The following PKD1L3 variants were observed in gnomAD, a reference collection of about 807,000 sequenced individuals.
PKD1L3 encodes polycystin-1-like protein 3.
In PKD1L3, 239 loss-of-function variants were observed where a neutral mutation model predicts 184.1. That is an observed-to-expected ratio of 1.30 (90% CI 1.17 to 1.45). The LOEUF (loss-of-function observed/expected upper bound fraction) is 1.45. Ranked by LOEUF, PKD1L3 falls within the 40% of genes most tolerant of loss-of-function variation. PKD1L3 has a pLI of 0.00. For missense variants in PKD1L3, 2,660 were observed against 2,067.2 expected, an observed-to-expected ratio of 1.29 and a Z score of -5.56; for synonymous variants, 996 against 778.8, an observed-to-expected ratio of 1.28 and a Z score of -4.64.
At chr16:71,950,371 G>A (rs1444707834) in intron 19 of PKD1L3, 61 bp from the exon 20 acceptor site, 2 of 1,380,488 alleles carry the variant, frequency 1.4e-6, no homozygotes, top group East Asian at 5.0e-5. Context: ...GCAATTAGTG[G>A]TAGAGATTAA....
In PKD1L3 at chr16:72,000,224, G is replaced by A. The variant is rs1409474797; in HGVS notation, c.-246C>T. On this transcript the variant is annotated 5_prime_UTR_variant, in exon 1 of 30. Coordinates refer to ENST00000620267, the MANE Select transcript of PKD1L3 (RefSeq NM_181536.2). The stretch of plus-strand genomic sequence containing the variant: ...GCCCCACCATCTGTGTCTACCTACC[G>A]AATATGCCTTTAGCAAATAGAGATC... Among the ~76,000 whole-genome samples, 1 of 152,148 alleles carries A rather than the reference G, an allele frequency of 6.6e-6. No individual in the cohort carries two copies. Among genetic ancestry groups the A allele is most frequent in the African/African-American group, 2.4e-5 (1 of 41,430 alleles).
chr16:71,944,077 C>A lies in PKD1L3; in HGVS notation c.3812G>T (p.Arg1271Ile). 2 of 1,552,066 alleles carry A rather than the reference C, an allele frequency of 1.3e-6. No individual in the cohort carries two copies. The highest frequency in any genetic ancestry group is 2.4e-5 in the South Asian group (2 of 84,054). ...GAAGAGTTTCTTCTTTTTCAAGGTT[C>A]TTTCTGGGTGCTTAGTTGGACTATT... The part of the protein sequence containing the change: ...AINSPTKHPE[R>I]TLKKKKLFKL... The change falls in exon 23 of 30, where the codon AGA becomes ATA. Residue 1271 changes from arginine (R) to isoleucine (I), a missense_variant. By Grantham distance (97) the Arg-to-Ile change is moderately conservative. Transcript: ENST00000620267.
At chr16:71,964,434 G>T (rs1172428571) in intron 15 of PKD1L3, among the ~76,000 whole-genome samples, 1 of 139,592 alleles carries the variant, frequency 7.2e-6, no homozygotes, top group Non-Finnish European at 1.5e-5. Context: ...CACCTCCCAG[G>T]TTCAAGCAAT....
intron 1 of PKD1L3, among the ~76,000 whole-genome samples, chr16:71,998,643 G>A (rs1020502870): frequency 2.0e-5 from 3 of 152,024 alleles, no homozygotes; most frequent in Admixed American, 1.3e-4. Context: ...TAGAGATGGG[G>A]TTTCACCATG....
At chr16:71,997,963 T>C (rs1477121829) in intron 2 of PKD1L3, among the ~76,000 whole-genome samples, 2 of 152,156 alleles carry the variant, frequency 1.3e-5, no homozygotes, top group Admixed American at 6.6e-5. Context: ...GAAGCCCAAA[T>C]GCTGACTGAA....
intron 11 of PKD1L3, among the ~76,000 whole-genome samples, chr16:71,974,711 A>AC (rs771906449): frequency 2.6e-5 from 4 of 152,088 alleles, no homozygotes; most frequent in Non-Finnish European, 5.9e-5. Context: ...AACTGAGTAC[A>AC]CCTTTGGAAT....
At chr16:71,945,323 T>C (rs867759037) in intron 22 of PKD1L3, among the ~76,000 whole-genome samples, 34 of 63,868 alleles carry the variant, frequency 5.3e-4, no homozygotes, top group African/African-American at 1.2e-3. Flanking sequence ...CACACACACA[T>C]ATATACACAC....
At chr16:71,973,993 T>C (rs1018469238) in intron 11 of PKD1L3, among the ~76,000 whole-genome samples, 7 of 94,554 alleles carry the variant, frequency 7.4e-5, no homozygotes, top group African/African-American at 3.1e-4. Context: ...CAGAGTGAGA[T>C]TTTGTCTCAA....
At chr16:71,945,301 T>G (rs1391570197) in intron 22 of PKD1L3, among the ~76,000 whole-genome samples, 1 of 55,694 alleles carries the variant, frequency 1.8e-5, no homozygotes, top group African/African-American at 7.5e-5. Flanking sequence ...TATATATATA[T>G]ATATACACAC....
chr16:71,991,383 C>T (rs1162123807), intron 3 of PKD1L3: 1 of 173,824 alleles, frequency 5.8e-6, no homozygotes, highest in East Asian at 1.7e-4. Context: ...CTAAGGATAA[C>T]CACTTGAAGC....
intron 20 of PKD1L3, 36 bp downstream of exon 20, chr16:71,950,082 T>C: frequency 1.3e-6 from 2 of 1,548,858 alleles, no homozygotes; most frequent in South Asian, 1.2e-5. Flanking sequence ...TGAGGAAGAT[T>C]ACAGGGGATA....
intron 11 of PKD1L3, among the ~76,000 whole-genome samples, chr16:71,975,593 G>C (rs1208606072): frequency 6.6e-6 from 1 of 151,974 alleles, no homozygotes; most frequent in Admixed American, 6.6e-5. Flanking sequence ...TTCTGCTGTG[G>C]GTCTCAACAT....
chr16:71,937,626 A>T (rs551640152), intron 24 of PKD1L3, among the ~76,000 whole-genome samples: 1 of 152,170 alleles, frequency 6.6e-6, no homozygotes, highest in Non-Finnish European at 1.5e-5. Context: ...TGGTTTTACA[A>T]AAGTCAGTAG....
At chr16:71,973,188 C>T (rs1567530878) in intron 12 of PKD1L3, 136 bp downstream of exon 12, 1 of 1,097,556 alleles carries the variant, frequency 9.1e-7, no homozygotes, top group Non-Finnish European at 1.3e-6. Flanking sequence ...CTCCTCCCTC[C>T]TTTTGCCCAG....
chr16:71,977,227 G>A lies in PKD1L3; in HGVS notation c.1759+9C>T, dbSNP rs1163089376. The A allele has an allele frequency of 6.7e-7, 1 of 1,493,350 alleles. No individual in the cohort carries two copies. Among genetic ancestry groups the A allele is most frequent in the East Asian group, 2.5e-5 (1 of 40,606 alleles). The allele number at this position is 1,493,350 out of a possible 1,614,324, so 92.5% of individuals were successfully genotyped here. A position where few individuals can be genotyped will look rare whatever the true frequency, so the allele number is the denominator to read the frequency against. On this transcript the variant is annotated intron_variant, in intron 11 of 29. Coordinates refer to ENST00000620267, the MANE Select transcript of PKD1L3 (RefSeq NM_181536.2). The stretch of plus-strand genomic sequence containing the variant: ...CAAAGTAAGTTTCTGACAGCTGATT[G>A]GGTTTTACCTTTTTGCCACACCTTA...
intron 11 of PKD1L3, 77 bp downstream of exon 11, chr16:71,977,159 A>G (rs2039957931): frequency 1.8e-6 from 2 of 1,135,626 alleles, no homozygotes; most frequent in Admixed American, 2.0e-5. Flanking sequence ...GCTGCAGTCA[A>G]CAATGATGGT....
chr16:71,966,601 G>C (rs1167570495), intron 15 of PKD1L3, among the ~76,000 whole-genome samples: 1 of 151,470 alleles, frequency 6.6e-6, no homozygotes, highest in East Asian at 1.9e-4. Context: ...GATTTTTTTT[G>C]AAATTTTTTT....
intron 3 of PKD1L3, among the ~76,000 whole-genome samples, chr16:71,990,717 G>C (rs530760404): frequency 1.3e-4 from 20 of 151,938 alleles, no homozygotes; most frequent in Admixed American, 5.9e-4. Flanking sequence ...CTGGGCAACA[G>C]AGCTAGATTC....
chr16:71,951,650 T>C lies in PKD1L3; in HGVS notation c.3104A>G (p.Lys1035Arg). The change falls in exon 19 of 30, where the codon AAG (lysine) becomes AGG (arginine). Residue 1035 changes from lysine to arginine, a missense_variant. Coordinates refer to ENST00000620267, the MANE Select transcript of PKD1L3 (RefSeq NM_181536.2). ...QPPWSSWDIT[K>R]LVKLLSSLVS... ...GAGGCTGGATAAAAGTTTCACCAGCTTAGTAATGTCCCAAGAACTCCATGG... is the reference window on the plus strand; with the variant it reads ...GAGGCTGGATAAAAGTTTCACCAGCCTAGTAATGTCCCAAGAACTCCATGG... 6.4e-7 allele frequency: 1 copy of C among 1,551,748 alleles called. No homozygotes were observed. The highest frequency in any genetic ancestry group is 2.4e-5 in the East Asian group (1 of 40,924).
Sources: gnomAD v4.1 joint callset for allele counts (sites outside exome capture counted in the v4.1 genomes callset) on GRCh38, gnomAD v4.1.1 for gene constraint, MANE v1.5 for transcripts, NCBI Gene and HGNC (gene_info 2026-07-23, HGNC 2026-07-21) for gene names.